PCBD2: variants seen among roughly 807,000 people sequenced by gnomAD.
PCBD2 encodes the protein pterin-4-alpha-carbinolamine dehydratase 2.
PCBD2 carries 12 observed loss-of-function variants against 16.4 expected under a neutral mutation model. The ratio of observed to expected loss-of-function variants is 0.73; its 90% CI spans 0.47 to 1.19. PCBD2 has a LOEUF of 1.19. Ranked by LOEUF, PCBD2 falls within the 50% of genes most tolerant of loss-of-function variation. The probability of loss-of-function intolerance (pLI) is 0.00; values close to 1 mark genes in which losing one functional copy is unlikely to be tolerated. For missense variants in PCBD2, 138 were observed against 156.8 expected, an observed-to-expected ratio of 0.88 and a Z score of 0.64; for synonymous variants, 58 against 61.8, an observed-to-expected ratio of 0.94 and a Z score of 0.29.
At chr5:134,913,311 A>G (rs1252952386) in intron 2 of PCBD2, among the ~76,000 whole-genome samples, 1 of 152,156 alleles carries the variant, frequency 6.6e-6, no homozygotes, top group Non-Finnish European at 1.5e-5. Flanking sequence ...GCACTCTTGG[A>G]GGTAGAGTGG....
chr5:134,957,840 C>G (rs192436494), intron 2 of PCBD2, among the ~76,000 whole-genome samples: 137 of 152,296 alleles, frequency 9.0e-4, no homozygotes, highest in Middle Eastern at 3.4e-3. Flanking sequence ...AACTTTCTCC[C>G]TTTTCCTATA....
intron 2 of PCBD2, among the ~76,000 whole-genome samples, chr5:134,935,904 T>C (rs771047745): frequency 2.6e-5 from 4 of 152,144 alleles, no homozygotes; most frequent in African/African-American, 4.8e-5. Context: ...TGGAACTCAG[T>C]GTGGAGGTTC....
At chr5:134,943,930 G>T (rs1751261508) in intron 2 of PCBD2, among the ~76,000 whole-genome samples, 1 of 152,120 alleles carries the variant, frequency 6.6e-6, no homozygotes, top group African/African-American at 2.4e-5. Context: ...CATTTCTTTG[G>T]CAAGACCTAC....
chr5:134,910,789 A>G (rs1750759848), intron 2 of PCBD2, among the ~76,000 whole-genome samples: 1 of 152,016 alleles, frequency 6.6e-6, no homozygotes, highest in Admixed American at 6.6e-5. Flanking sequence ...TAAGCCTTTT[A>G]TTATTGATTA....
At chr5:134,922,964 C>G (rs1390014532) in intron 2 of PCBD2, among the ~76,000 whole-genome samples, 1 of 152,222 alleles carries the variant, frequency 6.6e-6, no homozygotes, top group African/African-American at 2.4e-5. Context: ...GCGTGAGCCA[C>G]CTGCCCGGCC....
At chr5:134,914,496 C>A (rs1173309316) in intron 2 of PCBD2, among the ~76,000 whole-genome samples, 2 of 151,628 alleles carry the variant, frequency 1.3e-5, no homozygotes, top group Non-Finnish European at 2.9e-5. Flanking sequence ...GGAGTAGATG[C>A]AGAGTTGGGC....
intron 2 of PCBD2, among the ~76,000 whole-genome samples, chr5:134,919,665 C>G (rs987178068): frequency 5.9e-5 from 9 of 152,186 alleles, no homozygotes; most frequent in African/African-American, 2.2e-4. Flanking sequence ...GCCTGCATTG[C>G]TGGTACCGCT....
chr5:134,953,703 A>G (rs1394894182), intron 2 of PCBD2, among the ~76,000 whole-genome samples: 2 of 152,132 alleles, frequency 1.3e-5, no homozygotes, highest in African/African-American at 4.8e-5. Context: ...TGGGAGGCTG[A>G]GGCAGGAGAA....
chr5:134,935,517 A>C (rs1470688736), intron 2 of PCBD2, among the ~76,000 whole-genome samples: 2 of 152,238 alleles, frequency 1.3e-5, no homozygotes, highest in Admixed American at 6.5e-5. Flanking sequence ...TGAATGCAAT[A>C]ATGATTCACT....
At position 134,962,072 on chromosome 5, in the gene PCBD2, TTGTGTG is replaced by T. The variant is rs58911694; in HGVS notation, c.*1421_*1426del. 1.4e-4 allele frequency among the ~76,000 whole-genome samples: 19 copies of T among 140,572 alleles called. No homozygotes were observed. Among genetic ancestry groups the T allele is most frequent in the East Asian group, 8.6e-4 (4 of 4,664 alleles). 92.2% of individuals were successfully genotyped at this position (140,572 alleles called of 152,430 possible). On this transcript the variant is annotated 3_prime_UTR_variant, in exon 4 of 4. Coordinates refer to ENST00000254908, the MANE Select transcript of PCBD2 (RefSeq NM_032151.5). ...CATTGCCCCCAGCCAGTATAACAGT[TTGTGTG>T]TGTGTGTGTGTGTGTGTGTGTGTGT...
At chr5:134,955,753 T>C (rs61614076) in intron 2 of PCBD2, among the ~76,000 whole-genome samples, 1 of 152,212 alleles carries the variant, frequency 6.6e-6, no homozygotes, top group Non-Finnish European at 1.5e-5. Context: ...GTTAGTGGTG[T>C]CTATTCTGCT....
chr5:134,946,445 C>T (rs1466157244), intron 2 of PCBD2, among the ~76,000 whole-genome samples: 1 of 152,120 alleles, frequency 6.6e-6, no homozygotes. Flanking sequence ...CACTGAAGTT[C>T]CTCTGTGGAG....
At chr5:134,912,153 A>G (rs371179619) in intron 2 of PCBD2, among the ~76,000 whole-genome samples, 236 of 152,312 alleles carry the variant, frequency 1.5e-3, no homozygotes, top group African/African-American at 5.5e-3. Context: ...TTAATTAAGT[A>G]GACTTTTTTT....
At chr5:134,946,326 C>T (rs191321437) in intron 2 of PCBD2, among the ~76,000 whole-genome samples, 2 of 152,272 alleles carry the variant, frequency 1.3e-5, no homozygotes, top group Admixed American at 6.5e-5. Flanking sequence ...GAAACAAATA[C>T]AGACAACTTA....
intron 2 of PCBD2, among the ~76,000 whole-genome samples, chr5:134,912,427 C>T (rs942991109): frequency 6.6e-6 from 1 of 152,180 alleles, no homozygotes; most frequent in African/African-American, 2.4e-5. Context: ...AGGGAGAGTG[C>T]ACACCAAAGG....
rs747352155 is a variant in PCBD2, at chr5:134,959,047, G to T, written c.224G>T (p.Gly75Val). Residue 75 changes from glycine to valine, a missense_variant, in exon 3 of 4, where the codon GGC becomes GTC. By Grantham distance (109) the Gly-to-Val change is moderately radical. Transcript: ENST00000254908. Reference protein sequence around the residue: ...FSFHNFNQAFGFMSRVALQAE... With the variant: ...FSFHNFNQAFVFMSRVALQAE... Reference sequence around the variant, plus strand: ...TGACTTCATCTTATGCAGGCATTTGGCTTTATGTCCCGAGTTGCCCTACAA... The same window carrying T: ...TGACTTCATCTTATGCAGGCATTTGTCTTTATGTCCCGAGTTGCCCTACAA... 1.2e-6 allele frequency: 2 copies of T among 1,613,590 alleles called. No individual in the cohort carries two copies. The highest frequency in any genetic ancestry group is 1.7e-6 in the Non-Finnish European group (2 of 1,179,678).
intron 2 of PCBD2, among the ~76,000 whole-genome samples, chr5:134,919,350 T>C (rs185759863): frequency 6.6e-6 from 1 of 152,228 alleles, no homozygotes; most frequent in Non-Finnish European, 1.5e-5. Flanking sequence ...TCACAGATAA[T>C]GTACATGATG....
intron 2 of PCBD2, among the ~76,000 whole-genome samples, chr5:134,920,431 T>G (rs1750889064): frequency 6.6e-6 from 1 of 152,248 alleles, no homozygotes; most frequent in South Asian, 2.1e-4. Context: ...GACTACTTGC[T>G]GGATTAGTTT....
intron 2 of PCBD2, among the ~76,000 whole-genome samples, chr5:134,931,880 A>G (rs1318265172): frequency 1.3e-5 from 2 of 152,192 alleles, no homozygotes. Flanking sequence ...ACTGAAAGGA[A>G]TTTGACTTGT....
Sources: gnomAD v4.1 joint callset for allele counts (sites outside exome capture counted in the v4.1 genomes callset) on GRCh38, gnomAD v4.1.1 for gene constraint, MANE v1.5 for transcripts, NCBI Gene and HGNC (gene_info 2026-07-23, HGNC 2026-07-21) for gene names.